The following SLC39A5 variants were observed in gnomAD, a reference collection of about 807,000 sequenced individuals.
SLC39A5 encodes zinc transporter ZIP5.
SLC39A5 carries 42 observed loss-of-function variants against 46.9 expected under a neutral mutation model. The ratio of observed to expected loss-of-function variants is 0.90; its 90% CI spans 0.70 to 1.16. SLC39A5 has a LOEUF of 1.16. SLC39A5 is among the 50% of genes most tolerant of loss of function. The probability of loss-of-function intolerance (pLI) is 0.00; values close to 1 mark genes in which losing one functional copy is unlikely to be tolerated. For synonymous variants in SLC39A5, 311 were observed against 323.1 expected, an observed-to-expected ratio of 0.96 and a Z score of 0.40; for missense variants, 677 against 686.8, an observed-to-expected ratio of 0.99 and a Z score of 0.16.
chr12:56,234,320 T>C (rs2135855097), intron 5 of SLC39A5, among the ~76,000 whole-genome samples: 1 of 150,408 alleles, frequency 6.6e-6, no homozygotes, highest in Non-Finnish European at 1.5e-5. Context: ...GCTAATTTTT[T>C]TTTTTTTTTT....
At chr12:56,233,911 T>G (rs1294384203) in intron 5 of SLC39A5, among the ~76,000 whole-genome samples, 1 of 152,188 alleles carries the variant, frequency 6.6e-6, no homozygotes, top group Non-Finnish European at 1.5e-5. Flanking sequence ...CAGCTTCATT[T>G]ATCAAATCAA....
chr12:56,235,647 C>T lies in SLC39A5; in HGVS notation c.892C>T (p.Leu298Phe), dbSNP rs1565601227. The T allele has an allele frequency of 1.9e-6, 3 of 1,614,148 alleles. No individual in the cohort carries two copies. Among genetic ancestry groups the T allele is most frequent in the Non-Finnish European group, 2.5e-6 (3 of 1,180,018 alleles). ...GTCAGTGCTCGGAGGCCTCTTCCTG[C>T]TCTTTGTGCTGGAGAACATGCTGGG... The part of the protein sequence containing the change: ...GLSVLGGLFL[L>F]FVLENMLGLL... The change falls in exon 8 of 13, where the codon CTC (leucine) becomes TTC (phenylalanine). Residue 298 changes from leucine to phenylalanine, a missense_variant. Physicochemically the swap from Leu to Phe is conservative, Grantham distance 22. Transcript: ENST00000454355.
At chr12:56,233,442 T>A (rs1870434228) in intron 5 of SLC39A5, among the ~76,000 whole-genome samples, 1 of 151,414 alleles carries the variant, frequency 6.6e-6, no homozygotes, top group Non-Finnish European at 1.5e-5. Flanking sequence ...ACAGCGAGAC[T>A]CTGTCTCAAA....
chr12:56,235,216 C>A lies in SLC39A5; in HGVS notation c.694C>A (p.Leu232Met). ...CAGCCTCCCTTCTCCCCTATCCCTG[C>A]TGCTGCTGCGGCTCCTGGGACCTCG... Reference protein sequence around the residue: ...LLSLPSPLSLLLLRLLGPRLL... With the variant: ...LLSLPSPLSLMLLRLLGPRLL... Residue 232 changes from leucine to methionine, a missense_variant, in exon 7 of 13, where the codon CTG becomes ATG. By Grantham distance (15) the Leu-to-Met change is conservative. Transcript: ENST00000454355. 2 of 1,584,338 alleles carry A rather than the reference C, an allele frequency of 1.3e-6. No homozygotes were observed. The highest frequency in any genetic ancestry group is 2.2e-5 in the East Asian group (1 of 44,680).
rs762893895 is a variant in SLC39A5, at chr12:56,236,918, C to T, written c.1208-13C>T. On this transcript the variant is annotated splice_polypyrimidine_tract_variant and intron_variant, in intron 10 of 12. Transcript: ENST00000454355. ...TCTTCTGGACTGACAACTTCCGACC[C>T]TGCTGGCCCCAGGTGCTGCCTTCTC... 1 of 1,614,002 alleles carries T rather than the reference C, an allele frequency of 6.2e-7. No homozygotes were observed. Among genetic ancestry groups the T allele is most frequent in the South Asian group, 1.1e-5 (1 of 91,070 alleles).
In SLC39A5 at chr12:56,232,749, G is replaced by T; in HGVS notation, c.348G>T (p.Gly116=). 1 of 1,612,620 alleles carries T rather than the reference G, an allele frequency of 6.2e-7. No individual in the cohort carries two copies. The highest frequency in any genetic ancestry group is 1.1e-5 in the South Asian group (1 of 90,912). ...CAGGGATGCCTCTGGGTCCCTCAGG[G>T]TGGGGTGACCTGGAAGAGTCAAAGG... The part of the protein sequence containing the change: ...VWAGMPLGPS[G]WGDLEESKAP... Residue 116 remains glycine (G), a synonymous_variant, in exon 5 of 13, where the codon GGG becomes GGT. Coordinates refer to ENST00000454355, the MANE Select transcript of SLC39A5 (RefSeq NM_173596.3).
rs753423463 is a variant in SLC39A5, at chr12:56,236,646, G to A, written c.1107G>A (p.Gly369=). ...SQHPPALAPP[G]HQGHSHGHQG... ...ACCCACCAGCTCTGGCCCCTCCTGG[G>A]CACCAAGGCCACAGTCATGGGCACC... is the stretch of plus-strand genomic sequence containing the variant. The change falls in exon 10 of 13, where the codon GGG becomes GGA. Residue 369 remains glycine (G), a synonymous_variant. Coordinates refer to ENST00000454355, the MANE Select transcript of SLC39A5 (RefSeq NM_173596.3). 378 of 1,613,606 alleles carry A rather than the reference G, an allele frequency of 2.3e-4. No individual in the cohort carries two copies. The highest frequency in any genetic ancestry group is 3.0e-4 in the Non-Finnish European group (351 of 1,179,752).
At chr12:56,232,508 C>A (rs1020544264) in intron 4 of SLC39A5, among the ~76,000 whole-genome samples, 181 bp from the exon 5 acceptor site, 1 of 152,062 alleles carries the variant, frequency 6.6e-6, no homozygotes. Context: ...TTCTGTCCCC[C>A]CCAGTGGCAG....
chr12:56,230,909 C>G (rs970825777), intron 3 of SLC39A5, 36 bp downstream of exon 3: 2 of 217,376 alleles, frequency 9.2e-6, no homozygotes, highest in African/African-American at 2.3e-5. Context: ...GGGTGAGGCC[C>G]TGGGGATTGA....
chr12:56,237,050 A>G, intron 11 of SLC39A5, 39 bp downstream of exon 11: 1 of 1,613,596 alleles, frequency 6.2e-7, no homozygotes, highest in Admixed American at 1.7e-5. Context: ...GACTCCAGAA[A>G]GGAGATAGCT....
At chr12:56,236,518 G>C (rs1870782410) in intron 9 of SLC39A5, 26 bp downstream of exon 9, 1 of 1,614,090 alleles carries the variant, frequency 6.2e-7, no homozygotes. Flanking sequence ...AATTTGAAGA[G>C]TAGGTTCCAA....
chr12:56,231,452 CG>C lies in SLC39A5; in HGVS notation c.180del (p.Leu61PhefsTer7), dbSNP rs759102126. ...NGTLTAGGLA[R>X]LLHSLGLGRV... Reference sequence around the variant, plus strand: ...GACGCTGACTGCAGGGGGCTTGGCGCGGCTTCTCCACAGCCTGGGGCTAGGC... The same window carrying C: ...GACGCTGACTGCAGGGGGCTTGGCGCGCTTCTCCACAGCCTGGGGCTAGGC... On this transcript the variant is annotated frameshift_variant, in exon 4 of 13. Transcript: ENST00000454355. LOFTEE classifies it high-confidence loss of function. The C allele has an allele frequency of 3.7e-6, 6 of 1,613,812 alleles. No individual in the cohort carries two copies. The Admixed American group carries it at 1.0e-4, about 27-fold the overall frequency.
rs1304767098 is a variant in SLC39A5 at position 56,236,424 on chromosome 12, T to G, written c.974T>G (p.Leu325Arg). ...PRCCRRKRRN[L>R]ETRNLDPENG... ...TGCTGCAGGCGAAAACGAAGGAATC[T>G]CGAAACACGCAACTTGGATCCGGAG... Residue 325 changes from leucine (L) to arginine (R), a missense_variant, in exon 9 of 13, where the codon CTC becomes CGC. Coordinates refer to ENST00000454355, the MANE Select transcript of SLC39A5 (RefSeq NM_173596.3). The G allele has an allele frequency of 1.2e-6, 2 of 1,614,204 alleles. No homozygotes were observed. The highest frequency in any genetic ancestry group is 1.1e-5 in the South Asian group (1 of 91,088).
rs1293306957 is a variant in SLC39A5 at position 56,232,704 on chromosome 12, GCT to G, written c.304_305del (p.Leu102GlufsTer17). On this transcript the variant is annotated frameshift_variant, in exon 5 of 13. Transcript: ENST00000454355. LOFTEE classifies it high-confidence loss of function. The part of the protein sequence containing the change: ...NSTHRPQNPE[L>X]SVDVWAGMPL... ...TCCATTCCAGGCCACAGAACCCTGA[GCT>G]GAGTGTGGATGTCTGGGCAGGGATG... 1.2e-6 allele frequency: 2 copies of G among 1,609,302 alleles called. No homozygotes were observed. Among genetic ancestry groups the G allele is most frequent in the Non-Finnish European group, 1.7e-6 (2 of 1,178,272 alleles).
chr12:56,231,440 G>C lies in SLC39A5; in HGVS notation c.166G>C (p.Gly56Arg). Residue 56 changes from glycine to arginine, a missense_variant, in exon 4 of 13, where the codon GGG (glycine) becomes CGG (arginine). Coordinates refer to ENST00000454355, the MANE Select transcript of SLC39A5 (RefSeq NM_173596.3). ...CGGCGAGAATGGGACGCTGACTGCAGGGGGCTTGGCGCGGCTTCTCCACAG... is the reference window on the plus strand; with the variant it reads ...CGGCGAGAATGGGACGCTGACTGCACGGGGCTTGGCGCGGCTTCTCCACAG... ...LYGENGTLTA[G>R]GLARLLHSLG... 2.5e-6 allele frequency: 4 copies of C among 1,614,096 alleles called. No individual in the cohort carries two copies. The highest frequency in any genetic ancestry group is 1.7e-6 in the Non-Finnish European group (2 of 1,179,998).
chr12:56,237,005 G>C lies in SLC39A5; in HGVS notation c.1282G>C (p.Glu428Gln), dbSNP rs750169649. Reference sequence around the variant, plus strand: ...GGTCTTCTGCCATGAGCTGCCCCACGAACTGGGTAGGAATGGCAGGAGCAG... The same window carrying C: ...GGTCTTCTGCCATGAGCTGCCCCACCAACTGGGTAGGAATGGCAGGAGCAG... ...LAVFCHELPH[E>Q]LGDFAMLLQS... The change falls in exon 11 of 13, where the codon GAA becomes CAA. Residue 428 changes from glutamate to glutamine, a missense_variant. By Grantham distance (29) the Glu-to-Gln change is conservative (BLOSUM62 2). Coordinates refer to ENST00000454355, the MANE Select transcript of SLC39A5 (RefSeq NM_173596.3). 5.0e-6 allele frequency: 8 copies of C among 1,613,960 alleles called. No homozygotes were observed. The highest frequency in any genetic ancestry group is 3.3e-5 in the Admixed American group (2 of 59,992).
At position 56,234,947 on chromosome 12, in the gene SLC39A5, G is replaced by A. The variant is rs878981299; in HGVS notation, c.595G>A (p.Gly199Ser). ...TCAGATCGACAGCCGCGTCTGCATCGGCGCTCCGGCCCCTGCACCCCCAGG... is the reference window on the plus strand; with the variant it reads ...TCAGATCGACAGCCGCGTCTGCATCAGCGCTCCGGCCCCTGCACCCCCAGG... ...LYQIDSRVCI[G>S]APAPAPPGDL... The change falls in exon 6 of 13, where the codon GGC (glycine) becomes AGC (serine). Residue 199 changes from glycine to serine, a missense_variant. Coordinates refer to ENST00000454355, the MANE Select transcript of SLC39A5 (RefSeq NM_173596.3). 1.2e-5 allele frequency: 20 copies of A among 1,613,364 alleles called. No homozygotes were observed. Among genetic ancestry groups the A allele is most frequent in the South Asian group, 7.7e-5 (7 of 91,080 alleles).
chr12:56,236,886 A>G, intron 10 of SLC39A5, 45 bp from the exon 11 acceptor site: 1 of 1,610,712 alleles, frequency 6.2e-7, no homozygotes, highest in South Asian at 1.1e-5. Flanking sequence ...GCTTCTGAGG[A>G]GACTTTTCTT....
chr12:56,232,545 A>C (rs1870328698), intron 4 of SLC39A5, 144 bp from the exon 5 acceptor site: 1 of 718,182 alleles, frequency 1.4e-6, no homozygotes. Context: ...AGATCTTCCT[A>C]AGAATGACAT....
Sources: allele counts gnomAD v4.1 joint callset (sites outside exome capture counted in the v4.1 genomes callset), GRCh38; gene constraint gnomAD v4.1.1; transcripts MANE v1.5; gene names NCBI Gene and HGNC (gene_info 2026-07-23, HGNC 2026-07-21).